The following KCNIP1 variants were observed in gnomAD, a reference collection of about 807,000 sequenced individuals.
The protein encoded by KCNIP1 is A-type potassium channel modulatory protein KCNIP1.
In KCNIP1, 18 loss-of-function variants were observed where a neutral mutation model predicts 33.0. The observed-to-expected ratio is 0.55, with a 90% CI of 0.38 to 0.81. The LOEUF (loss-of-function observed/expected upper bound fraction) is 0.81, where lower values mean the gene tolerates loss of function less well. Among genes scored for constraint, KCNIP1 ranks in the 30% least tolerant of loss-of-function variants. The probability of loss-of-function intolerance (pLI) is 0.00; values close to 1 mark genes in which losing one functional copy is unlikely to be tolerated. For missense variants in KCNIP1, 238 were observed against 271.6 expected (o/e 0.88, Z 0.87); for synonymous variants, 93 against 98.3 (o/e 0.95, Z 0.32).
At chr5:170,717,102 T>C (rs969230080) in intron 1 of KCNIP1, among the ~76,000 whole-genome samples, 1 of 152,332 alleles carries the variant, frequency 6.6e-6, no homozygotes, top group African/African-American at 2.4e-5. Flanking sequence ...GATAAACAGA[T>C]GTGCATTTTA....
In KCNIP1 at chr5:170,557,030, C is replaced by T. The variant is rs139130404; in HGVS notation, c.61+52397C>T. ...TGTGACCTTGAACAGGTCCCTTAGC[C>T]TCCCTCAGCAGTGGAGTGGAAGATT... On this transcript the variant is annotated intron_variant, in intron 1 of 7. Coordinates refer to ENST00000328939, the MANE Select transcript of KCNIP1 (RefSeq NM_014592.4). 2.2e-4 allele frequency among the ~76,000 whole-genome samples: 33 copies of T among 152,292 alleles called. 1 individual carries two copies. The highest frequency in any genetic ancestry group is 7.8e-4 in the Admixed American group (12 of 15,302).
At chr5:170,668,782 G>T (rs1761808483) in intron 1 of KCNIP1, among the ~76,000 whole-genome samples, 1 of 152,212 alleles carries the variant, frequency 6.6e-6, no homozygotes, top group South Asian at 2.1e-4. Flanking sequence ...TTATTAGCAT[G>T]CTTCCTGGAG....
chr5:170,665,886 A>G (rs1434531860), intron 1 of KCNIP1, among the ~76,000 whole-genome samples: 2 of 152,238 alleles, frequency 1.3e-5, no homozygotes, highest in Non-Finnish European at 2.9e-5. Context: ...GGAAGAGCAC[A>G]GAGGTAAAGT....
intron 1 of KCNIP1, among the ~76,000 whole-genome samples, chr5:170,685,735 C>G (rs1003921248): frequency 3.0e-4 from 46 of 152,148 alleles, no homozygotes; most frequent in African/African-American, 1.1e-3. Context: ...GTGATCCACC[C>G]ACCTCGGCCT....
chr5:170,655,903 A>G (rs1159378763), intron 1 of KCNIP1, among the ~76,000 whole-genome samples: 1 of 152,228 alleles, frequency 6.6e-6, no homozygotes, highest in East Asian at 1.9e-4. Flanking sequence ...AGAAATTAGA[A>G]AAATCTATGC....
chr5:170,722,380 C>T (rs559408451), intron 4 of KCNIP1, among the ~76,000 whole-genome samples: 20 of 152,276 alleles, frequency 1.3e-4, no homozygotes, highest in Admixed American at 6.5e-4. Context: ...CTACAGTCCA[C>T]GTCCTCAGCC....
At chr5:170,623,298 G>A (rs28728145) in intron 1 of KCNIP1, among the ~76,000 whole-genome samples, 17,674 of 150,958 alleles carry the variant, frequency 0.12, 1,177 homozygotes, top group African/African-American at 0.18. Flanking sequence ...TTCAACCTCC[G>A]CCTCCTGGGT....
At chr5:170,421,904 C>T (rs1755503392) in intron 1 of KCNIP1, 1 of 152,084 alleles carries the variant, frequency 6.6e-6, no homozygotes, top group Admixed American at 6.6e-5. Context: ...TGAATCACTC[C>T]CACATTTGAA....
chr5:170,367,349 AAAAG>A (rs57303478), intron 1 of KCNIP1, among the ~76,000 whole-genome samples: 9,496 of 76,600 alleles, frequency 0.12, 641 homozygotes, highest in Middle Eastern at 0.16. Context: ...GAAGGAAAGA[AAAAG>A]AAAGAAAGAA....
At chr5:170,674,175 G>T (rs968083313) in intron 1 of KCNIP1, among the ~76,000 whole-genome samples, 1 of 96,288 alleles carries the variant, frequency 1.0e-5, no homozygotes, top group Non-Finnish European at 1.9e-5. Flanking sequence ...AAGGAAGGAA[G>T]GAAGGAAGGG....
chr5:170,408,527 C>T (rs111448464), intron 1 of KCNIP1, among the ~76,000 whole-genome samples: 5 of 152,260 alleles, frequency 3.3e-5, no homozygotes, highest in African/African-American at 9.6e-5. Context: ...AAAAACACCT[C>T]GCAGAAGCAC....
At chr5:170,624,723 CCGGGGAGGT>C (rs1554105621) in intron 1 of KCNIP1, among the ~76,000 whole-genome samples, 112 of 34,550 alleles carry the variant, frequency 3.2e-3, no homozygotes, top group South Asian at 6.1e-3. Flanking sequence ...GGAAAGGAGA[CCGGGGAGGT>C]GGGGGGGGAG....
At chr5:170,666,906 C>A (rs930743188) in intron 1 of KCNIP1, among the ~76,000 whole-genome samples, 2 of 152,260 alleles carry the variant, frequency 1.3e-5, no homozygotes, top group African/African-American at 4.8e-5. Context: ...CATCACTGTT[C>A]TGTGACTTCC....
rs565622921 is a variant in KCNIP1, at chr5:170,589,172, TG to T, written c.61+84540del. ...GCCACCATACCTGGCTAACTTTTTT[TG>T]TATTTTTAGTAGAGACGGGGTTTCA... On this transcript the variant is annotated intron_variant, in intron 1 of 7. Transcript: ENST00000328939. Among the ~76,000 whole-genome samples, 12 of 152,148 alleles carry T rather than the reference TG, an allele frequency of 7.9e-5. No homozygotes were observed. The South Asian group carries it at 2.5e-3, about 32-fold the overall frequency.
chr5:170,505,492 A>G (rs1298327035), intron 1 of KCNIP1, among the ~76,000 whole-genome samples: 8 of 152,204 alleles, frequency 5.3e-5, no homozygotes, highest in Non-Finnish European at 1.2e-4. Context: ...TTTAATGTTC[A>G]AATGTCACTA....
At chr5:170,624,723 CCGGGGAGGTG>C (rs1759748326) in intron 1 of KCNIP1, among the ~76,000 whole-genome samples, 1 of 34,614 alleles carries the variant, frequency 2.9e-5, no homozygotes, top group South Asian at 1.0e-3. Flanking sequence ...GGAAAGGAGA[CCGGGGAGGTG>C]GGGGGGGAGA....
chr5:170,620,774 T>C (rs1053517537), intron 1 of KCNIP1, among the ~76,000 whole-genome samples: 2 of 152,220 alleles, frequency 1.3e-5, no homozygotes, highest in Non-Finnish European at 2.9e-5. Flanking sequence ...AAGATTTTTG[T>C]GAGCCGATTT....
At position 170,412,461 on chromosome 5, in the gene KCNIP1, AG is replaced by A. The variant is rs1254219313; in HGVS notation, c.88+58502del. 2.0e-5 allele frequency among the ~76,000 whole-genome samples: 3 copies of A among 152,144 alleles called. No homozygotes were observed. In the East Asian group the frequency reaches 5.8e-4, roughly 29 times the overall value. ...TTGGGGAGATTGATCTGGCCCTCCA[AG>A]GGGGAAAGAGGAAAAATGCTATAGG... On this transcript the variant is annotated intron_variant, in intron 1 of 7. Transcript: ENST00000377360.
At chr5:170,426,282 C>T (rs897757409) in intron 1 of KCNIP1, among the ~76,000 whole-genome samples, 8 of 146,164 alleles carry the variant, frequency 5.5e-5, no homozygotes, top group African/African-American at 1.6e-4. Flanking sequence ...CAAACACACA[C>T]ACACAGTTTT....
Sources: gnomAD v4.1 joint callset for allele counts (sites outside exome capture counted in the v4.1 genomes callset) on GRCh38, gnomAD v4.1.1 for gene constraint, MANE v1.5 for transcripts, NCBI Gene and HGNC (gene_info 2026-07-23, HGNC 2026-07-21) for gene names.